Variants in EFNA5 observed in about 807,000 individuals in gnomAD.
EFNA5 encodes the protein ephrin-A5.
Under a neutral mutation model 22.9 loss-of-function variants are expected in EFNA5, and 5 were observed. The ratio of observed to expected loss-of-function variants is 0.22; its 90% CI spans 0.11 to 0.46. EFNA5 has a LOEUF of 0.46. Among genes scored for constraint, EFNA5 ranks in the 20% least tolerant of loss-of-function variants. EFNA5 has a pLI of 0.99. For missense variants in EFNA5, 237 were observed against 293.3 expected (o/e 0.81, Z 1.40); for synonymous variants, 113 against 112.2 (o/e 1.01, Z -0.04).
At chr5:107,525,035 T>C (rs899674804) in intron 1 of EFNA5, among the ~76,000 whole-genome samples, 6 of 152,128 alleles carry the variant, frequency 3.9e-5, no homozygotes, top group African/African-American at 1.4e-4. Context: ...AATAGCAAAG[T>C]ATAAGGGAAA....
chr5:107,497,145 G>A (rs931271327), intron 1 of EFNA5, among the ~76,000 whole-genome samples: 3 of 152,116 alleles, frequency 2.0e-5, no homozygotes, highest in African/African-American at 7.2e-5. Context: ...AGCATTAGTC[G>A]GCTTTGCTTT....
intron 1 of EFNA5, among the ~76,000 whole-genome samples, chr5:107,566,308 T>C (rs1222735595): frequency 1.3e-5 from 2 of 151,918 alleles, no homozygotes; most frequent in Non-Finnish European, 2.9e-5. Context: ...CCTTCTATTC[T>C]GGACTTACAT....
intron 1 of EFNA5, among the ~76,000 whole-genome samples, chr5:107,482,893 T>TATATAC (rs1371480254): frequency 7.1e-6 from 1 of 139,962 alleles, no homozygotes; most frequent in African/African-American, 2.6e-5. Flanking sequence ...TATATATATA[T>TATATAC]ACATACATAT....
chr5:107,462,579 G>A (rs1029222200), intron 1 of EFNA5, among the ~76,000 whole-genome samples: 1 of 152,072 alleles, frequency 6.6e-6, no homozygotes, highest in Non-Finnish European at 1.5e-5. Flanking sequence ...CCAGAATTAA[G>A]TCACTAGTCC....
intron 1 of EFNA5, among the ~76,000 whole-genome samples, chr5:107,469,691 T>C (rs919642613): frequency 6.6e-6 from 1 of 152,096 alleles, no homozygotes; most frequent in Non-Finnish European, 1.5e-5. Context: ...CCAAGAGCTG[T>C]TTCCACATCA....
At position 107,471,768 on chromosome 5, in the gene EFNA5, T is replaced by C. The variant is rs531445406; in HGVS notation, c.126-44259A>G. Among the ~76,000 whole-genome samples, 4 of 152,332 alleles carry C rather than the reference T, an allele frequency of 2.6e-5. No individual in the cohort carries two copies. In the South Asian group the frequency reaches 8.3e-4, roughly 32 times the overall value. ...CTGAAAAGATGTATTTGGTGATCCA[T>C]CCACATGTGAATGGTAACTAATGAA... On this transcript the variant is annotated intron_variant, in intron 1 of 4. Coordinates refer to ENST00000333274, the MANE Select transcript of EFNA5 (RefSeq NM_001962.3).
intron 1 of EFNA5, among the ~76,000 whole-genome samples, chr5:107,628,437 ACCTAGAATTAATATTTTGCTCCACTTT>A (rs1750183121): frequency 6.6e-6 from 1 of 152,186 alleles, no homozygotes; most frequent in African/African-American, 2.4e-5. Context: ...AACAAAAAGT[ACCTAGAATTAATATTTTGCTCCACTTT>A]CCCCAATCCA....
chr5:107,410,399 T>C (rs1237007489), intron 2 of EFNA5, among the ~76,000 whole-genome samples: 4 of 152,186 alleles, frequency 2.6e-5, no homozygotes, highest in African/African-American at 7.2e-5. Flanking sequence ...GAAAGTCTGG[T>C]TGCACTGACC....
intron 1 of EFNA5, among the ~76,000 whole-genome samples, chr5:107,496,457 A>G (rs1746989148): frequency 6.6e-6 from 1 of 151,978 alleles, no homozygotes; most frequent in South Asian, 2.1e-4. Context: ...AAGTTATTCC[A>G]GTTCAGCTGC....
At chr5:107,456,300 T>C (rs1291176017) in intron 1 of EFNA5, among the ~76,000 whole-genome samples, 4 of 152,138 alleles carry the variant, frequency 2.6e-5, no homozygotes, top group Non-Finnish European at 5.9e-5. Flanking sequence ...TCTTTTAACA[T>C]GCTGAAACTT....
chr5:107,523,263 C>A (rs1747631278), intron 1 of EFNA5, among the ~76,000 whole-genome samples: 2 of 151,928 alleles, frequency 1.3e-5, no homozygotes, highest in East Asian at 3.9e-4. Context: ...GCCATGATAT[C>A]ATTCAGTTAT....
intron 1 of EFNA5, among the ~76,000 whole-genome samples, chr5:107,603,371 A>C (rs545275840): frequency 6.5e-4 from 99 of 152,314 alleles, no homozygotes; most frequent in African/African-American, 2.3e-3. Flanking sequence ...CCTCACTTTC[A>C]TATAAATTTA....
chr5:107,380,578 T>C lies in EFNA5; in HGVS notation c.*677A>G, dbSNP rs919770323. On this transcript the variant is annotated 3_prime_UTR_variant, in exon 5 of 5. Transcript: ENST00000333274. The stretch of plus-strand genomic sequence containing the variant: ...AGCATTCCACACCCAACCTGCCTCC[T>C]AGAAAAAAAAAAAAGGCTTCTTTTA... 24 of 323,738 alleles carry C rather than the reference T, an allele frequency of 7.4e-5. No individual in the cohort carries two copies. The highest frequency in any genetic ancestry group is 1.0e-4 in the Non-Finnish European group (19 of 187,292). The allele number at this position is 323,738 out of a possible 1,614,324, so 20.1% of individuals were successfully genotyped here.
At chr5:107,449,509 C>T (rs549693046) in intron 1 of EFNA5, among the ~76,000 whole-genome samples, 2 of 149,974 alleles carry the variant, frequency 1.3e-5, no homozygotes, top group African/African-American at 4.9e-5. Context: ...CATCATCCCT[C>T]CCCGCCCCCC....
chr5:107,405,704 A>G (rs1748190910), intron 2 of EFNA5, among the ~76,000 whole-genome samples: 1 of 152,172 alleles, frequency 6.6e-6, no homozygotes, highest in East Asian at 1.9e-4. Context: ...ACTAAGTCAG[A>G]TCATGTTACT....
intron 1 of EFNA5, among the ~76,000 whole-genome samples, chr5:107,553,699 G>A (rs574878714): frequency 6.6e-6 from 1 of 152,200 alleles, no homozygotes; most frequent in East Asian, 1.9e-4. Context: ...CATATCCAAT[G>A]GGAATTCTAC....
intron 1 of EFNA5, among the ~76,000 whole-genome samples, chr5:107,513,730 G>A (rs778279356): frequency 9.9e-5 from 15 of 152,120 alleles, no homozygotes; most frequent in Non-Finnish European, 1.8e-4. Flanking sequence ...GGTGGTATCC[G>A]TCCATTAAAA....
chr5:107,557,531 C>T (rs1187109243), intron 1 of EFNA5, among the ~76,000 whole-genome samples: 2 of 152,158 alleles, frequency 1.3e-5, no homozygotes, highest in South Asian at 4.1e-4. Flanking sequence ...TTTGTTTCCT[C>T]ATGTCTAAAC....
intron 1 of EFNA5, among the ~76,000 whole-genome samples, chr5:107,591,951 A>AATATATAATATATATAATATATATT (rs58029427): frequency 0.077 from 928 of 12,030 alleles, 159 homozygotes; most frequent in East Asian, 0.52. Flanking sequence ...TATTATATAT[A>AATATATAATATATATAATATATATT]ATATATAATA....
Sources: gnomAD v4.1 joint callset for allele counts (sites outside exome capture counted in the v4.1 genomes callset) on GRCh38, gnomAD v4.1.1 for gene constraint, MANE v1.5 for transcripts, NCBI Gene and HGNC (gene_info 2026-07-23, HGNC 2026-07-21) for gene names.